PARD3: variants seen among roughly 807,000 people sequenced by gnomAD.
PARD3 encodes the protein partitioning defective 3 homolog.
A neutral mutation model predicts 155.4 loss-of-function variants in PARD3; 75 were observed. The ratio of observed to expected loss-of-function variants is 0.48; its 90% CI spans 0.40 to 0.58. The LOEUF is 0.58. PARD3 is among the 20% of genes least tolerant of loss of function. The probability of loss-of-function intolerance (pLI) is 0.00; values close to 1 mark genes in which losing one functional copy is unlikely to be tolerated. For missense variants in PARD3, 1,642 were observed against 1,721.7 expected, an observed-to-expected ratio of 0.95 and a Z score of 0.82; for synonymous variants, 576 against 610.5, an observed-to-expected ratio of 0.94 and a Z score of 0.83.
chr10:34,331,384 G>A, intron 18 of PARD3, 40 bp from the exon 19 acceptor site: 1 of 1,378,534 alleles, frequency 7.3e-7, no homozygotes, highest in Non-Finnish European at 1.0e-6. Context: ...GTGTGAATTA[G>A]TGAAAATTAT....
At chr10:34,654,528 T>C (rs2093111760) in intron 2 of PARD3, among the ~76,000 whole-genome samples, 1 of 152,124 alleles carries the variant, frequency 6.6e-6, no homozygotes, top group African/African-American at 2.4e-5. Flanking sequence ...ATGGCACAAG[T>C]TCAACAGATG....
chr10:34,632,833 C>G (rs1184769308), intron 2 of PARD3, among the ~76,000 whole-genome samples: 1 of 152,182 alleles, frequency 6.6e-6, no homozygotes, highest in Non-Finnish European at 1.5e-5. Flanking sequence ...AATTATCATT[C>G]CGATTGTGAT....
At chr10:34,737,698 C>G (rs2094940482) in intron 1 of PARD3, among the ~76,000 whole-genome samples, 2 of 152,218 alleles carry the variant, frequency 1.3e-5, no homozygotes, top group Admixed American at 6.5e-5. Context: ...GCAGCAGAAT[C>G]CAGGCCCACA....
chr10:34,721,390 G>C (rs761647793), intron 1 of PARD3, among the ~76,000 whole-genome samples: 6 of 152,238 alleles, frequency 3.9e-5, no homozygotes, highest in Non-Finnish European at 8.8e-5. Flanking sequence ...AAAAACCACA[G>C]AGACCAATGC....
At chr10:34,631,265 C>T (rs1454379319) in intron 2 of PARD3, among the ~76,000 whole-genome samples, 1 of 152,188 alleles carries the variant, frequency 6.6e-6, no homozygotes, top group Non-Finnish European at 1.5e-5. Flanking sequence ...AACATTTTCC[C>T]CTCGAAATGT....
At position 34,270,140 on chromosome 10, in the gene PARD3, CTT is replaced by C. The variant is rs3039311; in HGVS notation, c.3177-243_3177-242del. Among the ~76,000 whole-genome samples, 1,110 of 121,726 alleles carry C rather than the reference CTT, an allele frequency of 9.1e-3. 6 individuals carry two copies. The highest frequency in any genetic ancestry group is 0.026 in the South Asian group (93 of 3,604). The allele number at this position is 121,726 out of a possible 152,430, so 79.9% of individuals were successfully genotyped here. On this transcript the variant is annotated intron_variant, in intron 21 of 24. Transcript: ENST00000374788. ...ACAAGATTGCAGTCATAATTTAAAT[CTT>C]TTTTTTTTTTTTTTTTGAGACAGAG...
At chr10:34,477,051 G>A (rs912439449) in intron 3 of PARD3, among the ~76,000 whole-genome samples, 7 of 152,106 alleles carry the variant, frequency 4.6e-5, no homozygotes, top group African/African-American at 7.2e-5. Context: ...CTTTGGCCTC[G>A]GATGAATAAA....
chr10:34,300,519 C>T (rs1248443731), intron 20 of PARD3, among the ~76,000 whole-genome samples: 7 of 152,068 alleles, frequency 4.6e-5, no homozygotes. Context: ...AATGAATGTG[C>T]ATGCCTGTGG....
intron 4 of PARD3, among the ~76,000 whole-genome samples, chr10:34,462,804 C>A (rs1190507367): frequency 6.6e-6 from 1 of 150,944 alleles, no homozygotes; most frequent in Non-Finnish European, 1.5e-5. Context: ...TGAACTCCAG[C>A]CTGGGCAATA....
At chr10:34,165,208 A>C (rs1340232271) in intron 22 of PARD3, among the ~76,000 whole-genome samples, 2 of 152,176 alleles carry the variant, frequency 1.3e-5, no homozygotes, top group Non-Finnish European at 2.9e-5. Flanking sequence ...AATATGAACT[A>C]GGTCTCACCC....
intron 1 of PARD3, among the ~76,000 whole-genome samples, chr10:34,784,567 G>A (rs559125361): frequency 1.3e-5 from 2 of 152,162 alleles, no homozygotes; most frequent in African/African-American, 4.8e-5. Context: ...AGCCTCCCAA[G>A]TTGGGATTAC....
intron 2 of PARD3, among the ~76,000 whole-genome samples, chr10:34,630,275 A>G (rs2092197755): frequency 1.3e-5 from 2 of 152,218 alleles, no homozygotes; most frequent in Admixed American, 1.3e-4. Context: ...CCTGATTTCA[A>G]GGAAGTTTAA....
chr10:34,248,245 G>A (rs567650307), intron 22 of PARD3, among the ~76,000 whole-genome samples: 1 of 151,378 alleles, frequency 6.6e-6, no homozygotes, highest in African/African-American at 2.5e-5. Context: ...ATATGGCCTT[G>A]TCCATATGGT....
chr10:34,638,033 A>G (rs1041558047), intron 2 of PARD3, among the ~76,000 whole-genome samples: 2 of 152,224 alleles, frequency 1.3e-5, no homozygotes, highest in African/African-American at 2.4e-5. Flanking sequence ...GAGAAAACTG[A>G]CAATTCAGTC....
At chr10:34,323,129 G>A (rs572990709) in intron 19 of PARD3, among the ~76,000 whole-genome samples, 50 of 152,310 alleles carry the variant, frequency 3.3e-4, no homozygotes, top group Non-Finnish European at 6.2e-4. Flanking sequence ...TAGGAATCAA[G>A]AACGCTGGGG....
chr10:34,462,678 C>T (rs2132969019), intron 4 of PARD3, among the ~76,000 whole-genome samples: 1 of 150,808 alleles, frequency 6.6e-6, no homozygotes, highest in Admixed American at 6.6e-5. Flanking sequence ...GACCCCATCT[C>T]TTAAAAAAAA....
intron 20 of PARD3, among the ~76,000 whole-genome samples, chr10:34,311,646 G>C (rs185714068): frequency 1.3e-5 from 2 of 151,952 alleles, no homozygotes; most frequent in East Asian, 3.9e-4. Context: ...AGCAAACCTT[G>C]GGATTACTAT....
chr10:34,119,122 G>C (rs527984049), intron 24 of PARD3, among the ~76,000 whole-genome samples: 1 of 152,260 alleles, frequency 6.6e-6, no homozygotes, highest in Admixed American at 6.5e-5. Flanking sequence ...ACATGGGTGA[G>C]AGCAGTGATG....
intron 1 of PARD3, among the ~76,000 whole-genome samples, chr10:34,757,653 A>G (rs1027890195): frequency 2.0e-5 from 3 of 152,106 alleles, no homozygotes; most frequent in Admixed American, 6.6e-5. Context: ...AGAGGTTGCA[A>G]TGAGCCAAGA....
Sources: allele counts gnomAD v4.1 joint callset (sites outside exome capture counted in the v4.1 genomes callset), GRCh38; gene constraint gnomAD v4.1.1; transcripts MANE v1.5; gene names NCBI Gene and HGNC (gene_info 2026-07-23, HGNC 2026-07-21).